PIK3C2G: variants seen among roughly 807,000 people sequenced by gnomAD.
PIK3C2G encodes the protein phosphatidylinositol-4-phosphate 3-kinase catalytic subunit type 2 gamma.
PIK3C2G carries 168 observed loss-of-function variants against 181.1 expected under a neutral mutation model. The ratio of observed to expected loss-of-function variants is 0.93; its 90% CI spans 0.82 to 1.05. The LOEUF (loss-of-function observed/expected upper bound fraction) is 1.05. PIK3C2G is among the 50% of genes least tolerant of loss of function. PIK3C2G has a pLI of 0.00. For synonymous variants in PIK3C2G, 573 were observed against 592.2 expected, an observed-to-expected ratio of 0.97 and a Z score of 0.47; for missense variants, 1,869 against 1,732.8, an observed-to-expected ratio of 1.08 and a Z score of -1.40.
intron 1 of PIK3C2G, among the ~76,000 whole-genome samples, chr12:18,266,839 C>T (rs1948522564): frequency 6.6e-6 from 1 of 151,656 alleles, no homozygotes; most frequent in East Asian, 1.9e-4. Context: ...TCTTCCTCCT[C>T]CTCCTCATTC....
exon 1 of PIK3C2G, chr12:18,248,046 G>A (rs895765247): frequency 3.3e-5 from 5 of 152,044 alleles, no homozygotes; most frequent in African/African-American, 9.7e-5. Flanking sequence ...ACTGCCAACG[G>A]TACCTGAGAA....
chr12:18,383,072 C>A (rs188568756), intron 14 of PIK3C2G, among the ~76,000 whole-genome samples: 1 of 152,230 alleles, frequency 6.6e-6, no homozygotes, highest in Non-Finnish European at 1.5e-5. Flanking sequence ...TATCAATTAG[C>A]ACTTGTTCTG....
At position 18,538,317 on chromosome 12, in the gene PIK3C2G, G is replaced by GTTTTTTT. The variant is rs1362383078; in HGVS notation, c.3480+6_3480+7insTTTTTTT. ...CTCTTGAACCTGCTGGAAATGGTAA[G>GTTTTTTT]TCCCTTGGGAAAAAAAAACAAAAAT... On this transcript the variant is annotated splice_donor_region_variant and intron_variant, in intron 25 of 32. Transcript: ENST00000538779. The GTTTTTTT allele has an allele frequency of 1.3e-6, 2 of 1,579,906 alleles. No individual in the cohort carries two copies. The highest frequency in any genetic ancestry group is 1.7e-6 in the Non-Finnish European group (2 of 1,168,790).
Position 18,282,571 on chromosome 12 carries a change from A to C in PIK3C2G, c.490A>C (p.Asn164His), listed in dbSNP as rs898449858. Residue 164 changes from asparagine (N) to histidine (H), a missense_variant, in exon 2 of 33, where the codon AAT becomes CAT. Transcript: ENST00000538779. Reference protein sequence around the residue: ...INLEKELENENHNYHIGFESS... With the variant: ...INLEKELENEHHNYHIGFESS... ...TCTAGAGAAAGAATTAGAAAATGAA[A>C]ATCATAACTACCATATAGGATTTGA... is the stretch of plus-strand genomic sequence containing the variant. 6.2e-7 allele frequency: 1 copy of C among 1,612,290 alleles called. No individual in the cohort carries two copies. Among genetic ancestry groups the C allele is most frequent in the Admixed American group, 1.7e-5 (1 of 59,928 alleles).
At chr12:18,722,739 A>G in the PIK3C2G span, among the ~76,000 whole-genome samples, 2 of 152,100 alleles carry the variant, frequency 1.3e-5, no homozygotes, top group African/African-American at 4.8e-5. Flanking sequence ...CTAAATGGTC[A>G]TTTAATTTAA....
chr12:18,428,299 T>A (rs1472878835), intron 18 of PIK3C2G, among the ~76,000 whole-genome samples: 1 of 148,784 alleles, frequency 6.7e-6, no homozygotes, highest in Non-Finnish European at 1.5e-5. Flanking sequence ...GAAAAAAAAA[T>A]ACTCAAAATA....
intron 16 of PIK3C2G, among the ~76,000 whole-genome samples, chr12:18,416,796 G>A (rs936278306): frequency 6.6e-6 from 1 of 152,172 alleles, no homozygotes; most frequent in African/African-American, 2.4e-5. Context: ...CTCTGATGGC[G>A]ATGTATAGGG....
intron 18 of PIK3C2G, among the ~76,000 whole-genome samples, chr12:18,446,858 C>T (rs1272457586): frequency 2.6e-5 from 4 of 152,046 alleles, no homozygotes; most frequent in Non-Finnish European, 5.9e-5. Flanking sequence ...GTTTCAAAGG[C>T]CTTTTTCCTT....
In PIK3C2G at chr12:18,563,755, G is replaced by A. The variant is rs907750498; in HGVS notation, c.3902+257G>A. On this transcript the variant is annotated intron_variant, in intron 28 of 32. Transcript: ENST00000538779. Reference sequence around the variant, plus strand: ...GACAGACAATTTCAAAAGCTACTTCGTTTTTCTTCGATTATTGGGAAAATA... The same window carrying A: ...GACAGACAATTTCAAAAGCTACTTCATTTTTCTTCGATTATTGGGAAAATA... Among the ~76,000 whole-genome samples the A allele has an allele frequency of 3.3e-5, 5 of 151,948 alleles. No individual in the cohort carries two copies. In the South Asian group the frequency reaches 8.3e-4, roughly 25 times the overall value.
the PIK3C2G span, among the ~76,000 whole-genome samples, chr12:18,672,161 G>A: frequency 5.3e-5 from 8 of 152,230 alleles, no homozygotes; most frequent in African/African-American, 1.7e-4. Flanking sequence ...CATGTTTTAT[G>A]GCTTTATAGT....
intron 23 of PIK3C2G, 48 bp from the exon 24 acceptor site, chr12:18,505,244 G>C (rs1239252016): frequency 6.8e-7 from 1 of 1,462,436 alleles, no homozygotes; most frequent in Admixed American, 2.1e-5. Flanking sequence ...TAATGCATTT[G>C]CTCATTTTTT....
Position 18,309,394 on chromosome 12 carries a change from G to GA in PIK3C2G, c.1035-4564dup, listed in dbSNP as rs923814559. On this transcript the variant is annotated intron_variant, in intron 5 of 32. Transcript: ENST00000538779. ...TTGGTTAGCCAGCAAGCTCATAGTGGAAAATATAAATTTTACAAAATCCTT... is the reference window on the plus strand; with the variant it reads ...TTGGTTAGCCAGCAAGCTCATAGTGGAAAAATATAAATTTTACAAAATCCTT... Among the ~76,000 whole-genome samples, 10 of 149,202 alleles carry GA rather than the reference G, an allele frequency of 6.7e-5. No individual in the cohort carries two copies. In the Admixed American group the frequency reaches 6.8e-4, roughly 10 times the overall value.
the PIK3C2G span, among the ~76,000 whole-genome samples, chr12:18,691,709 T>C: frequency 6.6e-6 from 1 of 152,138 alleles, no homozygotes; most frequent in Non-Finnish European, 1.5e-5. Flanking sequence ...AATAGCATTG[T>C]AAAGTGAAGT....
chr12:18,388,676 G>T (rs545076453), intron 14 of PIK3C2G, among the ~76,000 whole-genome samples: 1 of 152,212 alleles, frequency 6.6e-6, no homozygotes, highest in Admixed American at 6.5e-5. Flanking sequence ...GGCACCTTAT[G>T]GGTATGGTTG....
At chr12:18,720,382 G>A in the PIK3C2G span, among the ~76,000 whole-genome samples, 2 of 151,522 alleles carry the variant, frequency 1.3e-5, no homozygotes, top group South Asian at 4.2e-4. Context: ...GCATGCCTAG[G>A]AATGGAATTT....
chr12:18,714,149 ATTGAT>A, the PIK3C2G span, among the ~76,000 whole-genome samples: 1 of 152,204 alleles, frequency 6.6e-6, no homozygotes, highest in Non-Finnish European at 1.5e-5. Flanking sequence ...ACTCAAATTT[ATTGAT>A]TTATGTATAG....
chr12:18,375,778 C>T (rs997083838), intron 13 of PIK3C2G, among the ~76,000 whole-genome samples: 3 of 152,340 alleles, frequency 2.0e-5, no homozygotes, highest in African/African-American at 7.2e-5. Flanking sequence ...GGCCCAGGGG[C>T]TTGCTGCCCT....
chr12:18,320,597 A>C (rs1039827386), intron 6 of PIK3C2G, among the ~76,000 whole-genome samples: 2 of 152,246 alleles, frequency 1.3e-5, no homozygotes, highest in Non-Finnish European at 2.9e-5. Flanking sequence ...CAGGCTTTAC[A>C]CTGCCATGGC....
At chr12:18,431,904 C>G (rs1435549447) in intron 18 of PIK3C2G, among the ~76,000 whole-genome samples, 1 of 152,138 alleles carries the variant, frequency 6.6e-6, no homozygotes. Flanking sequence ...CAGCAACTTG[C>G]TTAAACCAAA....
Sources: gnomAD v4.1 joint callset for allele counts (sites outside exome capture counted in the v4.1 genomes callset) on GRCh38, gnomAD v4.1.1 for gene constraint, MANE v1.5 for transcripts, NCBI Gene and HGNC (gene_info 2026-07-23, HGNC 2026-07-21) for gene names.